RDX: variants seen among roughly 807,000 people sequenced by gnomAD.
RDX encodes the protein radixin, also known as deafness, autosomal recessive 24.
In RDX, 32 loss-of-function variants were observed where a neutral mutation model predicts 83.7. The observed-to-expected ratio is 0.38, with a 90% confidence interval of 0.29 to 0.51. RDX has a LOEUF of 0.51. Among genes scored for constraint, RDX ranks in the 20% least tolerant of loss-of-function variants. The pLI is 0.87. For missense variants in RDX, 600 were observed against 689.9 expected, an observed-to-expected ratio of 0.87 and a Z score of 1.46; for synonymous variants, 229 against 222.7, an observed-to-expected ratio of 1.03 and a Z score of -0.25.
At chr11:110,244,587 C>T (rs1273205617) in intron 10 of RDX, among the ~76,000 whole-genome samples, 2 of 151,928 alleles carry the variant, frequency 1.3e-5, no homozygotes, top group East Asian at 3.9e-4. Flanking sequence ...GGAGTGACCG[C>T]TAATGGGTAT....
chr11:110,216,254 C>T (rs1359292850), intron 14 of RDX, among the ~76,000 whole-genome samples: 6 of 152,142 alleles, frequency 3.9e-5, no homozygotes. Flanking sequence ...TCTTTCTTGC[C>T]TCAAAGTATT....
intron 9 of RDX, among the ~76,000 whole-genome samples, chr11:110,251,395 C>T (rs765436690): frequency 6.6e-5 from 10 of 151,932 alleles, no homozygotes; most frequent in Non-Finnish European, 1.0e-4. Context: ...TATTAAGTAC[C>T]GGGTACTTTG....
At chr11:110,219,884 T>C (rs1223732425) in intron 14 of RDX, among the ~76,000 whole-genome samples, 1 of 152,134 alleles carries the variant, frequency 6.6e-6, no homozygotes, top group Non-Finnish European at 1.5e-5. Context: ...AGTCTACAGG[T>C]GGTATTTAAA....
intron 1 of RDX, among the ~76,000 whole-genome samples, chr11:110,282,599 A>G (rs1860807515): frequency 1.3e-5 from 2 of 152,230 alleles, no homozygotes; most frequent in Non-Finnish European, 2.9e-5. Context: ...CTAGATCACA[A>G]TGCAGCCTAT....
intron 9 of RDX, among the ~76,000 whole-genome samples, chr11:110,249,828 C>T (rs1039002309): frequency 6.6e-6 from 1 of 152,118 alleles, no homozygotes; most frequent in South Asian, 2.1e-4. Flanking sequence ...TAGCTATGAT[C>T]GTGCCACTGT....
At chr11:110,255,587 C>A (rs1317334435) in intron 7 of RDX, among the ~76,000 whole-genome samples, 1 of 152,076 alleles carries the variant, frequency 6.6e-6, no homozygotes, top group Non-Finnish European at 1.5e-5. Flanking sequence ...CCAAAGATTT[C>A]ATAAATGTGT....
intron 14 of RDX, among the ~76,000 whole-genome samples, chr11:110,215,291 A>T (rs1278111548): frequency 6.6e-6 from 1 of 150,546 alleles, no homozygotes; most frequent in African/African-American, 2.4e-5. Context: ...TGAACCCGGG[A>T]GGCAGAGGTT....
chr11:110,206,368 T>A (rs962339159), intron 14 of RDX, among the ~76,000 whole-genome samples: 1 of 152,010 alleles, frequency 6.6e-6, no homozygotes, highest in African/African-American at 2.4e-5. Flanking sequence ...GAACCACAGC[T>A]ATATTCATCA....
intron 14 of RDX, among the ~76,000 whole-genome samples, chr11:110,215,409 TA>T (rs1555033478): frequency 2.2e-5 from 3 of 138,246 alleles, no homozygotes; most frequent in Non-Finnish European, 4.8e-5. Context: ...AATAAATAAA[TA>T]AAATAATAAT....
At chr11:110,181,151 C>T (rs1862878860) in intron 15 of RDX, among the ~76,000 whole-genome samples, 1 of 140,086 alleles carries the variant, frequency 7.1e-6, no homozygotes, top group Non-Finnish European at 1.5e-5. Context: ...CGCACACCAG[C>T]TCAGGGCTGC....
rs139896690 is a variant in RDX, at chr11:110,231,933, T to C, written c.1688A>G (p.Lys563Arg). The C allele has an allele frequency of 2.5e-5, 40 of 1,613,790 alleles. No homozygotes were observed. The African/African-American group carries it at 5.2e-4, about 21-fold the overall frequency. Residue 563 changes from lysine (K) to arginine (R), a missense_variant, in exon 14 of 14, where the codon AAG becomes AGG. Transcript: ENST00000645495. ...ENVKAGRDKY[K>R]TLRQIRQGNT... The stretch of plus-strand genomic sequence containing the variant: ...GCCTTGTCGAATCTGTCGCAGAGTC[T>C]TGTACTTATCACGGCCTGCTTTAAC...
intron 15 of RDX, among the ~76,000 whole-genome samples, chr11:110,197,221 C>G (rs184483817): frequency 6.6e-6 from 1 of 150,978 alleles, no homozygotes. Context: ...TTAGATGTCA[C>G]GTTTAATTCC....
intron 11 of RDX, 69 bp downstream of exon 11, chr11:110,237,423 T>G: frequency 6.8e-7 from 1 of 1,479,452 alleles, no homozygotes; most frequent in Non-Finnish European, 9.2e-7. Context: ...GCTTTTCTTT[T>G]TTTCTTTTTT....
rs1465286186 is a variant in RDX at position 110,236,099 on chromosome 11, T to C, written c.1344A>G (p.Lys448=). The C allele has an allele frequency of 6.2e-7, 1 of 1,604,500 alleles. No individual in the cohort carries two copies. The highest frequency in any genetic ancestry group is 8.5e-7 in the Non-Finnish European group (1 of 1,173,022). The change falls in exon 12 of 14, where the codon AAA becomes AAG. Residue 448 remains lysine, a splice_region_variant and synonymous_variant. Transcript: ENST00000645495. ...KEEEATEWQH[K]AFAAQEDLEK... ...AGCTAGTAAATGAATAAATGATTAC[T>C]TTGTGTTGCCACTCAGTAGCTTCCT...
chr11:110,252,746 T>C (rs189861622), intron 9 of RDX, among the ~76,000 whole-genome samples: 180 of 152,062 alleles, frequency 1.2e-3, no homozygotes, highest in Non-Finnish European at 2.3e-3. Context: ...AAAAAGGACA[T>C]AGCCCATCAA....
At chr11:110,284,725 G>A (rs1220376368) in intron 1 of RDX, among the ~76,000 whole-genome samples, 7 of 151,630 alleles carry the variant, frequency 4.6e-5, no homozygotes, top group Non-Finnish European at 7.4e-5. Flanking sequence ...GGGTTTCACC[G>A]TGTTAGCCAG....
At chr11:110,271,387 T>C (rs1860305723) in intron 3 of RDX, among the ~76,000 whole-genome samples, 1 of 152,180 alleles carries the variant, frequency 6.6e-6, no homozygotes, top group African/African-American at 2.4e-5. Context: ...TAAGAAAAAG[T>C]GTACGTGAAG....
chr11:110,226,666 C>T (rs1864446596), downstream of RDX, among the ~76,000 whole-genome samples: 1 of 152,110 alleles, frequency 6.6e-6, no homozygotes, highest in African/African-American at 2.4e-5. Context: ...AAAGATTCAA[C>T]TGTAAACTTT....
In RDX at chr11:110,205,627, C is replaced by T. The variant is rs200689089; in HGVS notation, c.1749-5949G>A. ...AAAAGTTATTTCAAAGAAAATGAAA[C>T]ATGAAAGGCCTTTAAAGAAAAATTA... On this transcript the variant is annotated intron_variant, in intron 14 of 15. Transcript: ENST00000528498. Among the ~76,000 whole-genome samples, 14 of 151,882 alleles carry T rather than the reference C, an allele frequency of 9.2e-5. No individual in the cohort carries two copies. The East Asian group carries it at 2.3e-3, about 25-fold the overall frequency.
Sources: allele counts gnomAD v4.1 joint callset (sites outside exome capture counted in the v4.1 genomes callset), GRCh38; gene constraint gnomAD v4.1.1; transcripts MANE v1.5; gene names NCBI Gene and HGNC (gene_info 2026-07-23, HGNC 2026-07-21).